The following SLC6A16 variants were observed in gnomAD, a reference collection of about 807,000 sequenced individuals.
SLC6A16 encodes orphan sodium- and chloride-dependent neurotransmitter transporter NTT5.
SLC6A16 carries 54 observed loss-of-function variants against 65.4 expected under a neutral mutation model. The ratio of observed to expected loss-of-function variants is 0.83; its 90% CI spans 0.66 to 1.04. The LOEUF (loss-of-function observed/expected upper bound fraction) is 1.04. Among genes scored for constraint, SLC6A16 ranks in the 50% least tolerant of loss-of-function variants. The probability of loss-of-function intolerance (pLI) is 0.00; values close to 1 mark genes in which losing one functional copy is unlikely to be tolerated. For missense variants in SLC6A16, 816 were observed against 914.0 expected, an observed-to-expected ratio of 0.89 and a Z score of 1.38; for synonymous variants, 330 against 346.5, an observed-to-expected ratio of 0.95 and a Z score of 0.53.
At chr19:49,313,625 C>CAAAAAAAAAAAAAAA (rs902187308) in intron 1 of SLC6A16, among the ~76,000 whole-genome samples, 1 of 47,382 alleles carries the variant, frequency 2.1e-5, no homozygotes. Flanking sequence ...ACTAAAAATG[C>CAAAAAAAAAAAAAAA]AAAAAAAAAA....
Position 49,294,376 on chromosome 19 carries a change from C to T in SLC6A16, c.1407G>A (p.Gln469=). 1 of 1,614,040 alleles carries T rather than the reference C, an allele frequency of 6.2e-7. No homozygotes were observed. ...REVTECNIET[Q]FLKASEGPKF... The stretch of plus-strand genomic sequence containing the variant: ...AGCTATGTTTACTGACCTTAAGAAA[C>T]TGAGTCTCTATGTTGCACTCAGTCA... The change falls in exon 8 of 12, where the codon CAG becomes CAA. Residue 469 remains glutamine, a synonymous_variant. Transcript: ENST00000335875.
At chr19:49,311,716 G>A (rs1447154030) in intron 1 of SLC6A16, among the ~76,000 whole-genome samples, 1 of 151,438 alleles carries the variant, frequency 6.6e-6, no homozygotes, top group Admixed American at 6.6e-5. Flanking sequence ...GTGTATAGTG[G>A]CAGGCACCTG....
chr19:49,336,957 C>T, the SLC6A16 span: 1 of 1,614,068 alleles, frequency 6.2e-7, no homozygotes, highest in African/African-American at 1.3e-5. Context: ...CTGGCCATCT[C>T]AGGAATCTTC....
Position 49,325,166 on chromosome 19 carries a change from T to C in SLC6A16, c.-183A>G, listed in dbSNP as rs935424348. 1.5e-5 allele frequency: 15 copies of C among 985,306 alleles called. No individual in the cohort carries two copies. Among genetic ancestry groups the C allele is most frequent in the Non-Finnish European group, 1.8e-5 (15 of 829,952 alleles). The allele number at this position is 985,306 out of a possible 1,614,324, so 61.0% of individuals were successfully genotyped here. A position where few individuals can be genotyped will look rare whatever the true frequency, so the allele number is the denominator to read the frequency against. ...TCAGGCCCCTTCAGGCGTCGACAGA[T>C]CGGTTTGGGCGACACCCCTCGATCT... On this transcript the variant is annotated 5_prime_UTR_variant, in exon 1 of 12. Coordinates refer to ENST00000335875, the MANE Select transcript of SLC6A16 (RefSeq NM_014037.3).
intron 7 of SLC6A16, among the ~76,000 whole-genome samples, chr19:49,302,943 A>C (rs1970316774): frequency 6.6e-6 from 1 of 152,212 alleles, no homozygotes; most frequent in South Asian, 2.1e-4. Flanking sequence ...GAGGAGAAAA[A>C]GAAAAAGAAA....
In SLC6A16 at chr19:49,289,861, A is replaced by T; in HGVS notation, c.*262T>A. The stretch of plus-strand genomic sequence containing the variant: ...CCCAGAAGTAGCAGGACTGGTAGAC[A>T]TCACTAGTATTGTATATGTGTTGTG... On this transcript the variant is annotated 3_prime_UTR_variant, in exon 12 of 12. Transcript: ENST00000335875. 1 of 448,272 alleles carries T rather than the reference A, an allele frequency of 2.2e-6. No individual in the cohort carries two copies. The highest frequency in any genetic ancestry group is 4.0e-6 in the Non-Finnish European group (1 of 251,826). 27.8% of individuals were successfully genotyped at this position (448,272 alleles called of 1,614,324 possible).
At chr19:49,310,243 G>A in intron 3 of SLC6A16, 77 bp from the exon 4 acceptor site, 1 of 1,605,152 alleles carries the variant, frequency 6.2e-7, no homozygotes, top group Non-Finnish European at 8.5e-7. Flanking sequence ...GAGGATTGGG[G>A]AACCAAAGGG....
intron 7 of SLC6A16, among the ~76,000 whole-genome samples, chr19:49,301,106 G>A (rs1970282805): frequency 6.6e-6 from 1 of 151,964 alleles, no homozygotes; most frequent in South Asian, 2.1e-4. Context: ...TTGAGAAGTC[G>A]GCTTCAGCTG....
chr19:49,329,577 G>C (rs903743849), upstream of SLC6A16, among the ~76,000 whole-genome samples: 2 of 147,686 alleles, frequency 1.4e-5, no homozygotes, highest in Non-Finnish European at 3.0e-5. Context: ...GAGGCTAGGA[G>C]TTTGATAGTA....
In SLC6A16 at chr19:49,293,282, G is replaced by C. The variant is rs776569899; in HGVS notation, c.1719C>G (p.Pro573=). 1 of 1,614,128 alleles carries C rather than the reference G, an allele frequency of 6.2e-7. No homozygotes were observed. The highest frequency in any genetic ancestry group is 1.1e-5 in the South Asian group (1 of 91,086). The change falls in exon 10 of 12, where the codon CCC becomes CCG. Residue 573 remains proline (P), a synonymous_variant. Transcript: ENST00000335875. ...TTTCAAATACGACAACGACGATGAT[G>C]GGGAAGACTATCCAGTAGTCACTCA... ...RLLSDYWIVF[P]IIVVVVFETM... is the part of the protein sequence containing the mutation.
chr19:49,307,640 G>A (rs1970418086), intron 7 of SLC6A16, among the ~76,000 whole-genome samples: 1 of 135,568 alleles, frequency 7.4e-6, no homozygotes, highest in Non-Finnish European at 1.5e-5. Flanking sequence ...AGACCTGCCT[G>A]AGCAATATAG....
the SLC6A16 span, chr19:49,335,503 C>A: frequency 3.4e-6 from 5 of 1,485,980 alleles, no homozygotes; most frequent in Admixed American, 6.7e-5. The surrounding 1 kb of genome is among the most constrained non-coding windows in gnomAD (Gnocchi z 4.6). Context: ...AGCACCTCTT[C>A]TGTGTGGTGA....
rs77689038 is a variant in SLC6A16, at chr19:49,309,695, G to C, written c.832C>G (p.Leu278Val). 7.4e-3 allele frequency: 11,890 copies of C among 1,614,090 alleles called. 71 individuals carry two copies. Among genetic ancestry groups the C allele is most frequent in the Non-Finnish European group, 9.2e-3 (10,843 of 1,179,964 alleles). Residue 278 changes from leucine to valine, a missense_variant, in exon 5 of 12, where the codon CTT (leucine) becomes GTT (valine). Transcript: ENST00000335875. The stretch of plus-strand genomic sequence containing the variant: ...CCATTGATCATGAAAGCACCAACAA[G>C]ACACCAGCAAAGAAAGAAGGGCAGG... ...LVLPFFLCWC[L>V]VGAFMINGLK...
At chr19:49,296,034 G>T (rs1314719474) in intron 7 of SLC6A16, among the ~76,000 whole-genome samples, 1 of 152,078 alleles carries the variant, frequency 6.6e-6, no homozygotes, top group Non-Finnish European at 1.5e-5. Flanking sequence ...CTGTCGCCCA[G>T]GCTGGAGTGC....
intron 1 of SLC6A16, among the ~76,000 whole-genome samples, chr19:49,322,413 G>A (rs779818054): frequency 6.6e-6 from 1 of 152,010 alleles, no homozygotes; most frequent in Non-Finnish European, 1.5e-5. Flanking sequence ...GGCCAAAGTG[G>A]GCAGATCACC....
chr19:49,292,084 C>G lies in SLC6A16; in HGVS notation c.1778+1139G>C, dbSNP rs1341625411. ...AGCTCTCACTTGAAATATTACATAGCTTTCACCAGGCGGGGTGGCTCACGC... is the reference window on the plus strand; with the variant it reads ...AGCTCTCACTTGAAATATTACATAGGTTTCACCAGGCGGGGTGGCTCACGC... On this transcript the variant is annotated intron_variant, in intron 10 of 11. Transcript: ENST00000335875. The surrounding 1 kb of genome is among the most constrained non-coding windows in gnomAD (Gnocchi z 4.3). 1.3e-5 allele frequency among the ~76,000 whole-genome samples: 2 copies of G among 152,164 alleles called. No homozygotes were observed. Among genetic ancestry groups the G allele is most frequent in the African/African-American group, 4.8e-5 (2 of 41,446 alleles).
At chr19:49,320,771 T>C (rs372891326) in intron 1 of SLC6A16, among the ~76,000 whole-genome samples, 5 of 152,230 alleles carry the variant, frequency 3.3e-5, no homozygotes, top group African/African-American at 1.2e-4. Context: ...TAACCTAGAT[T>C]AAATGGACAA....
At chr19:49,309,480 A>G in intron 5 of SLC6A16, 69 bp from the exon 6 acceptor site, 1 of 1,374,722 alleles carries the variant, frequency 7.3e-7, no homozygotes, top group Admixed American at 1.8e-5. Flanking sequence ...AGGAGGGATC[A>G]AAAGTTCTGA....
Position 49,310,932 on chromosome 19 carries a change from C to A in SLC6A16, c.415+1G>T. 6.2e-7 allele frequency: 1 copy of A among 1,609,008 alleles called. No individual in the cohort carries two copies. ...CCAGGTTTCCTGGTCCCCAGACTTA[C>A]AGCCTCCACTGTTAAGCCACAGGTA... On this transcript the variant is annotated splice_donor_variant, in intron 2 of 11. Coordinates refer to ENST00000335875, the MANE Select transcript of SLC6A16 (RefSeq NM_014037.3). LOFTEE classifies it high-confidence loss of function.
Sources: allele counts gnomAD v4.1 joint callset (sites outside exome capture counted in the v4.1 genomes callset), GRCh38; gene constraint gnomAD v4.1.1; non-coding constraint Gnocchi (gnomAD v3.1); transcripts MANE v1.5; gene names NCBI Gene and HGNC (gene_info 2026-07-23, HGNC 2026-07-21).